The following TAS2R1 variants were observed in gnomAD, a reference collection of about 807,000 sequenced individuals.
TAS2R1 encodes taste 2 receptor member 1.
For missense variants in TAS2R1, 370 were observed against 353.4 expected (o/e 1.05, Z -0.38); for synonymous variants, 141 against 134.2 (o/e 1.05, Z -0.35).
the TAS2R1 span, among the ~76,000 whole-genome samples, chr5:9,745,581 T>C: frequency 1.3e-5 from 2 of 151,488 alleles, no homozygotes; most frequent in Non-Finnish European, 2.9e-5. Context: ...CACAGACCAA[T>C]AGAACAGAAG....
the TAS2R1 span, among the ~76,000 whole-genome samples, chr5:9,871,561 C>A: frequency 6.6e-6 from 1 of 152,148 alleles, no homozygotes; most frequent in East Asian, 1.9e-4. Flanking sequence ...CTTGTCCTCC[C>A]CAACTGCACA....
chr5:9,735,728 G>A, the TAS2R1 span, among the ~76,000 whole-genome samples: 2 of 152,156 alleles, frequency 1.3e-5, no homozygotes, highest in East Asian at 1.9e-4. Flanking sequence ...TACATCCCTC[G>A]ACTCATCTGA....
chr5:9,630,642 G>T (rs1163867942), upstream of TAS2R1, among the ~76,000 whole-genome samples: 3 of 152,034 alleles, frequency 2.0e-5, no homozygotes, highest in South Asian at 2.1e-4. Context: ...AAGTAATTAG[G>T]CTTGCACATA....
At chr5:9,700,801 T>C (rs1741463998) in intron 1 of TAS2R1, among the ~76,000 whole-genome samples, 2 of 152,172 alleles carry the variant, frequency 1.3e-5, no homozygotes, top group South Asian at 2.1e-4. Context: ...TTTCTGTGCA[T>C]GTCTCTGTCC....
chr5:9,781,114 G>GT, the TAS2R1 span, among the ~76,000 whole-genome samples: 1 of 152,178 alleles, frequency 6.6e-6, no homozygotes, highest in African/African-American at 2.4e-5. Context: ...AATGATCCAT[G>GT]TACCATGACC....
At chr5:9,837,281 C>T in the TAS2R1 span, among the ~76,000 whole-genome samples, 1 of 152,156 alleles carries the variant, frequency 6.6e-6, no homozygotes, top group Non-Finnish European at 1.5e-5. Context: ...GAGGTCTGTG[C>T]CAGCTGCTCT....
intron 2 of TAS2R1, among the ~76,000 whole-genome samples, chr5:9,653,628 C>G (rs564846493): frequency 1.3e-3 from 203 of 152,230 alleles, no homozygotes; most frequent in African/African-American, 4.7e-3. Flanking sequence ...ATTTTACATT[C>G]CCATCCATAG....
the TAS2R1 span, among the ~76,000 whole-genome samples, chr5:9,742,784 T>C: frequency 6.6e-6 from 1 of 152,118 alleles, no homozygotes; most frequent in Non-Finnish European, 1.5e-5. Flanking sequence ...TGCATCTAAT[T>C]CAATGTCATT....
intron 1 of TAS2R1, among the ~76,000 whole-genome samples, chr5:9,700,815 TCTC>T (rs1428234998): frequency 1.3e-5 from 2 of 152,118 alleles, no homozygotes; most frequent in Non-Finnish European, 2.9e-5. Flanking sequence ...TCTGTCCTCA[TCTC>T]CTCTTCTTAT....
At chr5:9,830,605 G>GCGCGCA in the TAS2R1 span, among the ~76,000 whole-genome samples, 82 of 149,814 alleles carry the variant, frequency 5.5e-4, no homozygotes, top group East Asian at 2.2e-3. Context: ...ACGTGCGCGC[G>GCGCGCA]CACACACACA....
At chr5:9,728,302 C>G in the TAS2R1 span, among the ~76,000 whole-genome samples, 1 of 152,182 alleles carries the variant, frequency 6.6e-6, no homozygotes, top group Non-Finnish European at 1.5e-5. Flanking sequence ...TGCAATATAT[C>G]TGATATTAGC....
the TAS2R1 span, among the ~76,000 whole-genome samples, chr5:9,889,037 C>T: frequency 5.6e-3 from 857 of 152,312 alleles, 7 homozygotes; most frequent in African/African-American, 0.018. Flanking sequence ...CCAGTAATGG[C>T]TAAGTATCTG....
At chr5:9,735,382 C>T in the TAS2R1 span, among the ~76,000 whole-genome samples, 1 of 151,316 alleles carries the variant, frequency 6.6e-6, no homozygotes, top group Non-Finnish European at 1.5e-5. Context: ...ATTGCCAATG[C>T]GTGAGAGAAT....
chr5:9,790,453 A>G, the TAS2R1 span, among the ~76,000 whole-genome samples: 1 of 152,208 alleles, frequency 6.6e-6, no homozygotes, highest in Non-Finnish European at 1.5e-5. Flanking sequence ...CTACCCAAAC[A>G]CAGGCAATGC....
At chr5:9,888,797 C>T in the TAS2R1 span, among the ~76,000 whole-genome samples, 1 of 151,976 alleles carries the variant, frequency 6.6e-6, no homozygotes, top group Non-Finnish European at 1.5e-5. Flanking sequence ...CAAGGGTGAC[C>T]ACATGAGGGT....
the TAS2R1 span, among the ~76,000 whole-genome samples, chr5:9,828,458 C>T: frequency 1.3e-5 from 2 of 152,046 alleles, no homozygotes; most frequent in African/African-American, 4.8e-5. Context: ...AACTGAGGCC[C>T]AGGAATTACG....
chr5:9,755,038 A>G, the TAS2R1 span, among the ~76,000 whole-genome samples: 1 of 152,188 alleles, frequency 6.6e-6, no homozygotes, highest in Non-Finnish European at 1.5e-5. Flanking sequence ...CAGGTTTTAA[A>G]AATTTTTGAT....
chr5:9,861,179 GACA>G, the TAS2R1 span, among the ~76,000 whole-genome samples: 1 of 151,814 alleles, frequency 6.6e-6, no homozygotes, highest in African/African-American at 2.4e-5. Flanking sequence ...AATGCAAAGG[GACA>G]ACATTCTTTC....
chr5:9,655,232 T>C (rs920171760), intron 2 of TAS2R1, among the ~76,000 whole-genome samples: 1 of 152,208 alleles, frequency 6.6e-6, no homozygotes, highest in African/African-American at 2.4e-5. Flanking sequence ...ATTGTAATCA[T>C]GGTTACATGA....
Sources: gnomAD v4.1 joint callset for allele counts (sites outside exome capture counted in the v4.1 genomes callset) on GRCh38, gnomAD v4.1.1 for gene constraint, MANE v1.5 for transcripts, NCBI Gene and HGNC (gene_info 2026-07-23, HGNC 2026-07-21) for gene names.